RABGAP1: variants seen among roughly 807,000 people sequenced by gnomAD.
RABGAP1 encodes the protein rab GTPase-activating protein 1.
In RABGAP1, 23 loss-of-function variants were observed where a neutral mutation model predicts 137.6. That is an observed-to-expected ratio of 0.17 (90% confidence interval 0.12 to 0.24). The LOEUF is 0.24. Among genes scored for constraint, RABGAP1 ranks in the 10% least tolerant of loss-of-function variants. The probability of loss-of-function intolerance (pLI) is 1.00; values close to 1 mark genes in which losing one functional copy is unlikely to be tolerated. For synonymous variants in RABGAP1, 451 were observed against 450.7 expected (o/e 1.00, Z -0.01); for missense variants, 906 against 1,275.8 (o/e 0.71, Z 4.42).
At chr9:123,085,715 A>G (rs1443112206) in intron 19 of RABGAP1, among the ~76,000 whole-genome samples, 4 of 152,188 alleles carry the variant, frequency 2.6e-5, no homozygotes, top group Non-Finnish European at 5.9e-5. Flanking sequence ...TTGGACTTCT[A>G]AGTCTCTGTT....
chr9:123,004,350 A>G (rs1412945934), intron 10 of RABGAP1, among the ~76,000 whole-genome samples: 1 of 152,084 alleles, frequency 6.6e-6, no homozygotes, highest in African/African-American at 2.4e-5. Context: ...TGCAGTGTCA[A>G]AAGCACGGCT....
chr9:122,958,938 G>C (rs944146523), intron 2 of RABGAP1, among the ~76,000 whole-genome samples: 8 of 152,136 alleles, frequency 5.3e-5, no homozygotes, highest in African/African-American at 1.9e-4. Flanking sequence ...GAGGCCAGGA[G>C]GTGGAGGCTG....
chr9:122,950,244 G>A (rs1465318164), intron 1 of RABGAP1, among the ~76,000 whole-genome samples: 1 of 152,126 alleles, frequency 6.6e-6, no homozygotes, highest in Non-Finnish European at 1.5e-5. Context: ...TCAATGACAT[G>A]AGGGATAGTG....
chr9:122,984,086 C>T (rs952853677), intron 2 of RABGAP1, among the ~76,000 whole-genome samples: 6 of 152,152 alleles, frequency 3.9e-5, no homozygotes, highest in Admixed American at 3.3e-4. Flanking sequence ...CTTTTGGAAG[C>T]AAGCACATTT....
intron 13 of RABGAP1, chr9:123,063,324 G>T (rs983841864): frequency 6.6e-6 from 1 of 152,662 alleles, no homozygotes; most frequent in Admixed American, 6.6e-5. Context: ...ATTCTCTCTG[G>T]ATTGTTTCCA....
chr9:122,990,797 ATATATATATAT>A lies in RABGAP1; in HGVS notation c.923+585_923+595del, dbSNP rs1166931115. On this transcript the variant is annotated intron_variant, in intron 6 of 25. Transcript: ENST00000373647. The stretch of plus-strand genomic sequence containing the variant: ...AAAAAAAAAAAAAAAAAAAAAAAAA[ATATATATATAT>A]ATATATATATATATATATATATATA... 136 of 31,774 alleles carry A rather than the reference ATATATATATAT, an allele frequency of 4.3e-3. 2 individuals carry two copies. Among genetic ancestry groups the A allele is most frequent in the African/African-American group, 0.011 (47 of 4,322 alleles). 2.0% of individuals were successfully genotyped at this position (31,774 alleles called of 1,614,324 possible).
At chr9:123,016,528 A>T (rs2031240155) in intron 12 of RABGAP1, among the ~76,000 whole-genome samples, 1 of 148,028 alleles carries the variant, frequency 6.8e-6, no homozygotes, top group Non-Finnish European at 1.5e-5. Context: ...AAAAGAAAAA[A>T]TACCAAACAA....
chr9:123,065,549 T>C (rs2034142375), intron 14 of RABGAP1, 88 bp downstream of exon 14: 1 of 978,876 alleles, frequency 1.0e-6, no homozygotes, highest in Non-Finnish European at 1.6e-6. Flanking sequence ...AAGTGTAATT[T>C]GTATTTGATG....
chr9:123,041,773 C>G (rs142566352), intron 13 of RABGAP1, among the ~76,000 whole-genome samples: 1 of 152,252 alleles, frequency 6.6e-6, no homozygotes, highest in East Asian at 1.9e-4. Context: ...CCTGATTTGT[C>G]TATTGACCAC....
At chr9:123,058,912 A>G (rs1208043730) in intron 13 of RABGAP1, among the ~76,000 whole-genome samples, 2 of 152,198 alleles carry the variant, frequency 1.3e-5, no homozygotes, top group Admixed American at 6.5e-5. Context: ...TTCCCCCAGC[A>G]TGCCCCAGAT....
At chr9:123,028,572 A>G (rs575081569) in intron 13 of RABGAP1, among the ~76,000 whole-genome samples, 1 of 152,342 alleles carries the variant, frequency 6.6e-6, no homozygotes, top group South Asian at 2.1e-4. Context: ...CAGAGAGAAC[A>G]GCGTGTACTC....
chr9:123,006,710 C>T (rs1374464404), intron 10 of RABGAP1, among the ~76,000 whole-genome samples: 1 of 151,714 alleles, frequency 6.6e-6, no homozygotes, highest in African/African-American at 2.4e-5. Flanking sequence ...CTGGTTCAAG[C>T]AATTCTCCCA....
intron 13 of RABGAP1, among the ~76,000 whole-genome samples, chr9:123,041,036 T>G (rs983233559): frequency 6.6e-6 from 1 of 152,190 alleles, no homozygotes; most frequent in Non-Finnish European, 1.5e-5. Flanking sequence ...GAATTTGACT[T>G]GACTCAGCCA....
At position 123,102,953 on chromosome 9, in the gene RABGAP1, A is replaced by G. The variant is rs376598455; in HGVS notation, c.3088-138A>G. On this transcript the variant is annotated intron_variant, in intron 25 of 25. Transcript: ENST00000373647. ...ATCTTTAGGCATTTCAGGCATTTCT[A>G]TGCCAGTTGGAGACTGGGGGAATTC... 9 of 1,189,300 alleles carry G rather than the reference A, an allele frequency of 7.6e-6. No homozygotes were observed. The African/African-American group carries it at 1.1e-4, about 14-fold the overall frequency. 73.7% of individuals were successfully genotyped at this position (1,189,300 alleles called of 1,614,324 possible).
intron 13 of RABGAP1, chr9:123,063,276 C>T (rs953821185): frequency 3.3e-5 from 5 of 152,930 alleles, no homozygotes; most frequent in Middle Eastern, 3.4e-3. Flanking sequence ...TTTTTTAGAG[C>T]TTCTGTTGTT....
At chr9:122,977,881 C>A (rs1180331708) in intron 2 of RABGAP1, among the ~76,000 whole-genome samples, 1 of 152,158 alleles carries the variant, frequency 6.6e-6, no homozygotes, top group South Asian at 2.1e-4. Flanking sequence ...ACAGGAGAGT[C>A]TAATAACGTG....
At chr9:123,014,243 T>C (rs2031045321) in intron 11 of RABGAP1, among the ~76,000 whole-genome samples, 1 of 152,236 alleles carries the variant, frequency 6.6e-6, no homozygotes. Flanking sequence ...TCAGTGCCAC[T>C]TATTTCACTG....
intron 13 of RABGAP1, among the ~76,000 whole-genome samples, chr9:123,021,997 T>C (rs1156395362): frequency 6.6e-6 from 1 of 152,234 alleles, no homozygotes; most frequent in Non-Finnish European, 1.5e-5. Context: ...GGGTACAGCA[T>C]TGTACTCATA....
chr9:122,999,374 A>G (rs1396735026), intron 10 of RABGAP1, among the ~76,000 whole-genome samples: 1 of 151,022 alleles, frequency 6.6e-6, no homozygotes, highest in Non-Finnish European at 1.5e-5. Context: ...TAATTTTAGT[A>G]AAGACAGCGT....
Sources: gnomAD v4.1 joint callset for allele counts (sites outside exome capture counted in the v4.1 genomes callset) on GRCh38, gnomAD v4.1.1 for gene constraint, MANE v1.5 for transcripts, NCBI Gene and HGNC (gene_info 2026-07-23, HGNC 2026-07-21) for gene names.